Variants in SPAG6 observed in about 807,000 individuals in gnomAD.
SPAG6 encodes sperm associated antigen 6, also known as sperm-associated antigen 6.
Under a neutral mutation model 58.5 loss-of-function variants are expected in SPAG6, and 49 were observed. That is an observed-to-expected ratio of 0.84 (90% confidence interval 0.67 to 1.06). The LOEUF is 1.06. SPAG6 is among the 50% of genes least tolerant of loss of function. The pLI, the probability that SPAG6 is intolerant of heterozygous loss-of-function variation, is 0.00. For missense variants in SPAG6, 560 were observed against 611.3 expected, an observed-to-expected ratio of 0.92 and a Z score of 0.89; for synonymous variants, 233 against 225.6, an observed-to-expected ratio of 1.03 and a Z score of -0.29.
At chr10:22,415,860 TTTTA>T (rs746060342) in intron 10 of SPAG6, among the ~76,000 whole-genome samples, 6 of 152,156 alleles carry the variant, frequency 3.9e-5, no homozygotes, top group Non-Finnish European at 8.8e-5. Context: ...GCCTGCTAAA[TTTTA>T]TTTGACATTC....
In SPAG6 at chr10:22,416,869, T is replaced by C; in HGVS notation, c.*181T>C. 1 of 464,526 alleles carries C rather than the reference T, an allele frequency of 2.2e-6. No homozygotes were observed. The highest frequency in any genetic ancestry group is 3.9e-6 in the Non-Finnish European group (1 of 256,646). 28.8% of individuals were successfully genotyped at this position (464,526 alleles called of 1,614,324 possible). A position where few individuals can be genotyped will look rare whatever the true frequency, so the allele number is the denominator to read the frequency against. On this transcript the variant is annotated 3_prime_UTR_variant, in exon 11 of 11. Coordinates refer to ENST00000376624, the MANE Select transcript of SPAG6 (RefSeq NM_012443.4). ...TTCGTAGCTTGAATATGTGAGGAAC[T>C]ATTCATGGTCATTCGCATGCATAGG...
chr10:22,411,699 T>C (rs1834739113), intron 10 of SPAG6: 1 of 152,178 alleles, frequency 6.6e-6, no homozygotes, highest in African/African-American at 2.4e-5. Flanking sequence ...TCAGGATTAA[T>C]AAAAAAGATT....
intron 2 of SPAG6, among the ~76,000 whole-genome samples, chr10:22,352,119 C>G (rs1485673058): frequency 6.6e-6 from 1 of 151,932 alleles, no homozygotes; most frequent in Non-Finnish European, 1.5e-5. Flanking sequence ...CGAGATCGCT[C>G]CACTGTGCTC....
intron 5 of SPAG6, among the ~76,000 whole-genome samples, 188 bp from the exon 6 acceptor site, chr10:22,387,635 T>C (rs1353520857): frequency 6.6e-6 from 1 of 152,216 alleles, no homozygotes; most frequent in Non-Finnish European, 1.5e-5. Context: ...TAGGAATTTT[T>C]AGAACTTGGG....
chr10:22,349,571 T>C lies in SPAG6; in HGVS notation c.121+3753T>C, dbSNP rs185717157. 3.3e-4 allele frequency among the ~76,000 whole-genome samples: 50 copies of C among 152,280 alleles called. 1 individual carries two copies. Among genetic ancestry groups the C allele is most frequent in the Admixed American group, 2.7e-3 (41 of 15,304 alleles). ...TAGGAGGTCTTTTGAAATACACTAA[T>C]AGAAGCTCCAAGAAAATGACTTTTA... is the stretch of plus-strand genomic sequence containing the variant. On this transcript the variant is annotated intron_variant, in intron 2 of 10. Transcript: ENST00000376624.
Position 22,386,813 on chromosome 10 carries a change from G to C in SPAG6, c.532G>C (p.Glu178Gln). 1.2e-6 allele frequency: 2 copies of C among 1,613,632 alleles called. No homozygotes were observed. Among genetic ancestry groups the C allele is most frequent in the Non-Finnish European group, 1.7e-6 (2 of 1,179,648 alleles). Residue 178 changes from glutamate (E) to glutamine (Q), a missense_variant, in exon 5 of 11, where the codon GAG becomes CAG. By Grantham distance (29) the Glu-to-Gln change is conservative. Coordinates refer to ENST00000376624, the MANE Select transcript of SPAG6 (RefSeq NM_012443.4). ...AVPLLVLCIQEPEIALKRIAA... is the reference protein window; with the variant it reads ...AVPLLVLCIQQPEIALKRIAA... ...TCCTCTTTTAGTACTCTGTATCCAG[G>C]AGCCAGAAATTGCTTTGAAAAGGAT... is the stretch of plus-strand genomic sequence containing the variant.
At chr10:22,379,676 C>T (rs1271322203) in intron 4 of SPAG6, among the ~76,000 whole-genome samples, 1 of 152,236 alleles carries the variant, frequency 6.6e-6, no homozygotes, top group East Asian at 1.9e-4. Context: ...CTCCTAGATT[C>T]TTGACCTACA....
intron 2 of SPAG6, among the ~76,000 whole-genome samples, chr10:22,346,981 G>A (rs759804551): frequency 8.5e-5 from 13 of 152,160 alleles, no homozygotes; most frequent in Non-Finnish European, 1.6e-4. Context: ...ATCACAAGGA[G>A]GACATTGACA....
chr10:22,384,358 C>T (rs911553357), intron 4 of SPAG6, among the ~76,000 whole-genome samples: 3 of 152,040 alleles, frequency 2.0e-5, no homozygotes, highest in Admixed American at 6.6e-5. Flanking sequence ...CGATGGCTAT[C>T]GGGTAGACAC....
intron 4 of SPAG6, among the ~76,000 whole-genome samples, chr10:22,371,919 T>A (rs1010287559): frequency 2.0e-5 from 3 of 152,150 alleles, no homozygotes; most frequent in African/African-American, 7.2e-5. Flanking sequence ...GGGTTTTTTT[T>A]TTCCAACTGT....
intron 4 of SPAG6, among the ~76,000 whole-genome samples, chr10:22,377,209 A>AAGG (rs1431662611): frequency 2.0e-5 from 3 of 152,186 alleles, no homozygotes; most frequent in Non-Finnish European, 2.9e-5. Context: ...AGCAGCCAGC[A>AAGG]AGGAATGGAG....
At chr10:22,381,802 A>G (rs557003012) in intron 4 of SPAG6, among the ~76,000 whole-genome samples, 2 of 152,300 alleles carry the variant, frequency 1.3e-5, no homozygotes, top group South Asian at 4.1e-4. Context: ...AGATAGTACT[A>G]ATCTTATGAA....
chr10:22,347,678 T>G (rs1836603637), intron 2 of SPAG6, among the ~76,000 whole-genome samples: 1 of 152,222 alleles, frequency 6.6e-6, no homozygotes, highest in Non-Finnish European at 1.5e-5. Flanking sequence ...GAGTGCAATG[T>G]AGACTTCACA....
At chr10:22,377,990 A>G (rs1415579673) in intron 4 of SPAG6, among the ~76,000 whole-genome samples, 1 of 149,826 alleles carries the variant, frequency 6.7e-6, no homozygotes, top group Non-Finnish European at 1.5e-5. Context: ...TTATTTTTGT[A>G]TATTAATTAA....
intron 4 of SPAG6, among the ~76,000 whole-genome samples, chr10:22,372,560 C>T (rs1284280075): frequency 6.6e-6 from 1 of 152,122 alleles, no homozygotes; most frequent in Admixed American, 6.5e-5. Context: ...CTCCCTCAGG[C>T]CTTGTGACTG....
At chr10:22,386,372 AT>A (rs1472776829) in intron 4 of SPAG6, among the ~76,000 whole-genome samples, 3 of 152,062 alleles carry the variant, frequency 2.0e-5, no homozygotes, top group Non-Finnish European at 2.9e-5. Flanking sequence ...TGGTTGGTAA[AT>A]TTTTGGTACT....
At position 22,417,156 on chromosome 10, in the gene SPAG6, G is replaced by GGA. The variant is rs1264548453; in HGVS notation, c.*471_*472dup. 3.3e-5 allele frequency: 5 copies of GGA among 152,398 alleles called. No individual in the cohort carries two copies. The highest frequency in any genetic ancestry group is 2.9e-5 in the Non-Finnish European group (2 of 68,220). 9.4% of individuals were successfully genotyped at this position (152,398 alleles called of 1,614,324 possible). A position where few individuals can be genotyped will look rare whatever the true frequency, so the allele number is the denominator to read the frequency against. On this transcript the variant is annotated 3_prime_UTR_variant, in exon 11 of 11. Coordinates refer to ENST00000376624, the MANE Select transcript of SPAG6 (RefSeq NM_012443.4). ...ATGACAGATATACAGGGCACTTGAA[G>GGA]GAGACTCTGATGCTAGTTATATAAG...
At chr10:22,406,652 G>T (rs1418129103) in intron 9 of SPAG6, among the ~76,000 whole-genome samples, 1 of 152,194 alleles carries the variant, frequency 6.6e-6, no homozygotes, top group Non-Finnish European at 1.5e-5. Flanking sequence ...TGTCTATTAG[G>T]TCTGCTTGGT....
Position 22,384,204 on chromosome 10 carries a change from C to T in SPAG6, c.473-2550C>T, listed in dbSNP as rs79504527. On this transcript the variant is annotated intron_variant, in intron 4 of 10. Transcript: ENST00000376624. ...AAGATGGATGTAGGAGTTCCAGATG[C>T]TATTTGCAGACATGACCATGTCCAA... 6.4e-3 allele frequency among the ~76,000 whole-genome samples: 981 copies of T among 152,262 alleles called. 11 individuals carry two copies. Among genetic ancestry groups the T allele is most frequent in the African/African-American group, 0.022 (934 of 41,542 alleles).
Sources: gnomAD v4.1 joint callset for allele counts (sites outside exome capture counted in the v4.1 genomes callset) on GRCh38, gnomAD v4.1.1 for gene constraint, MANE v1.5 for transcripts, NCBI Gene and HGNC (gene_info 2026-07-23, HGNC 2026-07-21) for gene names.